NBPF14: variants seen among roughly 807,000 people sequenced by gnomAD.
The protein encoded by NBPF14 is NBPF member 14.
A neutral mutation model predicts 91.2 loss-of-function variants in NBPF14; 104 were observed. That is an observed-to-expected ratio of 1.14 (90% CI 0.97 to 1.34). The LOEUF is 1.34. Ranked by LOEUF, NBPF14 falls within the 40% of genes most tolerant of loss-of-function variation. The probability of loss-of-function intolerance (pLI) is 0.00; values close to 1 mark genes in which losing one functional copy is unlikely to be tolerated. For missense variants in NBPF14, 908 were observed against 783.0 expected (o/e 1.16, Z -1.91); for synonymous variants, 294 against 303.8 (o/e 0.97, Z 0.34).
At chr1:148,534,316 T>C (rs1171489366) in intron 69 of NBPF14, among the ~76,000 whole-genome samples, 2 of 151,858 alleles carry the variant, frequency 1.3e-5, no homozygotes, top group East Asian at 1.9e-4. Context: ...TCTCATCAAA[T>C]ACTCAGATTG....
At position 148,559,240 on chromosome 1, in the gene NBPF14, C is replaced by G. The variant is rs1210639196; in HGVS notation, c.4730-168G>C. ...CTGAAGGCTGATCACCATAGAGATT[C>G]CTTGGTTTTTGTCCCAGAAACTGTG... is the stretch of plus-strand genomic sequence containing the variant. On this transcript the variant is annotated intron_variant, in intron 37 of 70. Coordinates refer to ENST00000619423, the Ensembl canonical transcript of NBPF14. Among the ~76,000 whole-genome samples the G allele has an allele frequency of 1.1e-3, 125 of 113,080 alleles. No individual in the cohort carries two copies. The Middle Eastern group carries it at 0.014, about 12-fold the overall frequency. The allele number at this position is 113,080 out of a possible 152,430, so 74.2% of individuals were successfully genotyped here. A position where few individuals can be genotyped will look rare whatever the true frequency, so the allele number is the denominator to read the frequency against.
intron 40 of NBPF14, among the ~76,000 whole-genome samples, chr1:148,557,078 A>G (rs1488970314): frequency 8.0e-6 from 1 of 125,448 alleles, no homozygotes; most frequent in African/African-American, 4.1e-5. Context: ...ACACACACAC[A>G]CACACACACA....
At chr1:148,577,598 G>T (rs1187265382) in intron 14 of NBPF14, among the ~76,000 whole-genome samples, 1 of 145,248 alleles carries the variant, frequency 6.9e-6, no homozygotes, top group East Asian at 2.0e-4. Context: ...ACAGAGCGAG[G>T]TCAGTCAATT....
At chr1:148,585,700 A>G (rs1661406277) in intron 9 of NBPF14, among the ~76,000 whole-genome samples, 1 of 148,958 alleles carries the variant, frequency 6.7e-6, no homozygotes, top group Admixed American at 6.7e-5. Flanking sequence ...CTCCAGTCTG[A>G]AGCACTTCCT....
chr1:148,588,612 C>T (rs1216058105), intron 7 of NBPF14, among the ~76,000 whole-genome samples: 3 of 152,132 alleles, frequency 2.0e-5, no homozygotes, highest in South Asian at 2.1e-4. Flanking sequence ...GCTGGGATTA[C>T]AGGAGTGAGC....
intron 34 of NBPF14, among the ~76,000 whole-genome samples, chr1:148,561,900 C>T (rs1429492873): frequency 1.5e-5 from 2 of 129,570 alleles, no homozygotes; most frequent in Admixed American, 1.5e-4. Context: ...TAACAGGACA[C>T]TCTGAGTTAG....
rs1373467774 is a variant in NBPF14, at chr1:148,534,483, G to C, written c.8614+201C>G. 2.1e-3 allele frequency among the ~76,000 whole-genome samples: 325 copies of C among 151,866 alleles called. 12 individuals carry two copies. The highest frequency in any genetic ancestry group is 0.014 in the Admixed American group (218 of 15,100). On this transcript the variant is annotated intron_variant, in intron 69 of 70. Coordinates refer to ENST00000619423, the Ensembl canonical transcript of NBPF14. ...GCGCCACAGGTATGGCCTGAGACTAGGAAGAGAGTCTTGCTCACTGACCCA... is the reference window on the plus strand; with the variant it reads ...GCGCCACAGGTATGGCCTGAGACTACGAAGAGAGTCTTGCTCACTGACCCA...
intron 14 of NBPF14, among the ~76,000 whole-genome samples, chr1:148,577,588 A>G (rs1367195710): frequency 1.3e-5 from 2 of 150,526 alleles, no homozygotes; most frequent in Non-Finnish European, 2.9e-5. Context: ...TCACACACAC[A>G]CAGAGCGAGG....
At chr1:148,535,162 C>A (rs1165136500) in intron 68 of NBPF14, among the ~76,000 whole-genome samples, 1 of 149,298 alleles carries the variant, frequency 6.7e-6, no homozygotes, top group Non-Finnish European at 1.5e-5. Flanking sequence ...ACACAGCGAA[C>A]AGTGATCATG....
rs1307923680 is a variant in NBPF14 at position 148,576,055 on chromosome 1, G to C, written c.2079-244C>G. 2.0e-5 allele frequency among the ~76,000 whole-genome samples: 3 copies of C among 146,528 alleles called. No individual in the cohort carries two copies. In the South Asian group the frequency reaches 6.6e-4, roughly 32 times the overall value. ...GAAAGTGAGCTCAGCGAATTGGCCG[G>C]GTGACACACTGATGAAGGGGTTAAA... On this transcript the variant is annotated intron_variant, in intron 16 of 70. Transcript: ENST00000619423.
exon 41 of NBPF14, chr1:148,556,841 C>A (rs1324272153): frequency 0.016 from 3,403 of 210,638 alleles, 21 homozygotes; most frequent in South Asian, 0.021. Context: ...GCTCTACTAC[C>A]TCCAGCAGCT....
chr1:148,559,595 G>C (rs1657298178), intron 37 of NBPF14, among the ~76,000 whole-genome samples, 198 bp downstream of exon 37: 1 of 123,958 alleles, frequency 8.1e-6, no homozygotes, highest in Non-Finnish European at 1.5e-5. Context: ...CTGAGACTAG[G>C]AAGAGAGCCT....
chr1:148,560,091 A>C (rs2149504278), intron 36 of NBPF14, 126 bp from the exon 37 acceptor site: 1 of 673,438 alleles, frequency 1.5e-6, no homozygotes, highest in South Asian at 1.7e-5. Context: ...TTAATGAGGT[A>C]ACAAATTATT....
Position 148,559,470 on chromosome 1 carries a change from A to T in NBPF14, c.4729+323T>A, listed in dbSNP as rs1455268586. 8.4e-5 allele frequency among the ~76,000 whole-genome samples: 11 copies of T among 130,608 alleles called. 1 individual carries two copies. The highest frequency in any genetic ancestry group is 5.2e-4 in the South Asian group (2 of 3,810). The allele number at this position is 130,608 out of a possible 152,430, so 85.7% of individuals were successfully genotyped here. A position where few individuals can be genotyped will look rare whatever the true frequency, so the allele number is the denominator to read the frequency against. ...GATTTCAGACGCTGAAATTAGAGTG[A>T]AGGATGAAATCTACAAGATCTACAA... is the stretch of plus-strand genomic sequence containing the variant. On this transcript the variant is annotated intron_variant, in intron 37 of 70. Coordinates refer to ENST00000619423, the Ensembl canonical transcript of NBPF14.
exon 37 of NBPF14, chr1:148,559,928 C>G: frequency 1.5e-6 from 2 of 1,364,512 alleles, no homozygotes; most frequent in Non-Finnish European, 2.0e-6. Flanking sequence ...TCCTGCAAGA[C>G]TTCAGGCCCT....
intron 8 of NBPF14, among the ~76,000 whole-genome samples, chr1:148,587,021 G>A (rs1433981427): frequency 6.8e-6 from 1 of 146,942 alleles, no homozygotes; most frequent in East Asian, 1.9e-4. Flanking sequence ...ACTGAATGCT[G>A]CTGTGTGGTT....
chr1:148,559,975 T>G lies in NBPF14; in HGVS notation c.4557-10A>C, dbSNP rs1339550892. On this transcript the variant is annotated splice_polypyrimidine_tract_variant and intron_variant, in intron 36 of 70. Coordinates refer to ENST00000619423, the Ensembl canonical transcript of NBPF14. ...CAGCTCCCTGCTGAGCCTGGAAAAG[T>G]GGAAAAAAGTAAAGAATAAGCCAGG... 163 of 1,281,466 alleles carry G rather than the reference T, an allele frequency of 1.3e-4. 17 individuals are homozygous for G. In the East Asian group the frequency reaches 4.1e-3, roughly 32 times the overall value. The allele number at this position is 1,281,466 out of a possible 1,614,324, so 79.4% of individuals were successfully genotyped here.
At chr1:148,566,260 C>G (rs1423941958) in exon 29 of NBPF14, 4 of 640,192 alleles carry the variant, frequency 6.2e-6, no homozygotes, top group African/African-American at 2.4e-5. Context: ...TAACATCTAT[C>G]CAGTGAGTCC....
chr1:148,539,258 A>G (rs1655487475), intron 63 of NBPF14, among the ~76,000 whole-genome samples, 152 bp downstream of exon 63: 1 of 115,652 alleles, frequency 8.6e-6, no homozygotes, highest in African/African-American at 4.2e-5. Context: ...CTTCCAACTG[A>G]GACTACAGTT....
Sources: gnomAD v4.1 joint callset for allele counts (sites outside exome capture counted in the v4.1 genomes callset) on GRCh38, gnomAD v4.1.1 for gene constraint, MANE v1.5 for transcripts, NCBI Gene and HGNC (gene_info 2026-07-23, HGNC 2026-07-21) for gene names.